Variants in RBFOX1 observed in about 807,000 individuals in gnomAD.
RBFOX1 encodes RNA binding fox-1 homolog 1.
A neutral mutation model predicts 57.7 loss-of-function variants in RBFOX1; 8 were observed. The ratio of observed to expected loss-of-function variants is 0.14; its 90% CI spans 0.08 to 0.25. The LOEUF is 0.25. Among genes scored for constraint, RBFOX1 ranks in the 10% least tolerant of loss-of-function variants. The pLI is 1.00. For synonymous variants in RBFOX1, 326 were observed against 222.4 expected, an observed-to-expected ratio of 1.47 and a Z score of -4.15; for missense variants, 611 against 548.5, an observed-to-expected ratio of 1.11 and a Z score of -1.14.
chr16:5,866,062 G>A (rs1366996969), intron 3 of RBFOX1, among the ~76,000 whole-genome samples: 3 of 152,090 alleles, frequency 2.0e-5, no homozygotes, highest in African/African-American at 4.8e-5. Flanking sequence ...CTGCCTCCGC[G>A]GTTCAAGGGA....
intron 4 of RBFOX1, among the ~76,000 whole-genome samples, chr16:7,513,759 G>T (rs1216880529): frequency 6.6e-6 from 1 of 152,180 alleles, no homozygotes; most frequent in East Asian, 1.9e-4. Context: ...GTGAGGAGAA[G>T]GGGCTGCTTT....
At chr16:7,124,824 G>C (rs1325503307) in intron 4 of RBFOX1, among the ~76,000 whole-genome samples, 10 of 151,920 alleles carry the variant, frequency 6.6e-5, no homozygotes, top group Non-Finnish European at 1.0e-4. Flanking sequence ...TCCGTATCCT[G>C]TTTCTACTGT....
chr16:6,961,833 G>A (rs2083085404), intron 3 of RBFOX1, among the ~76,000 whole-genome samples: 1 of 152,164 alleles, frequency 6.6e-6, no homozygotes, highest in Non-Finnish European at 1.5e-5. Context: ...AGCAGTGAGA[G>A]CAAACCAGAA....
intron 4 of RBFOX1, among the ~76,000 whole-genome samples, chr16:7,335,597 A>C (rs2096771542): frequency 1.6e-5 from 1 of 64,468 alleles, no homozygotes; most frequent in Non-Finnish European, 2.9e-5. Flanking sequence ...AAAAAAAAAA[A>C]AAAAAAAAAA....
intron 13 of RBFOX1, 73 bp from the exon 14 acceptor site, chr16:7,676,701 G>T: frequency 2.3e-6 from 3 of 1,286,530 alleles, no homozygotes; most frequent in Non-Finnish European, 3.4e-6. Flanking sequence ...CTGCTCTGGT[G>T]TGGTCTTGCC....
chr16:6,197,646 T>TA (rs2097188967), intron 1 of RBFOX1, among the ~76,000 whole-genome samples: 1 of 151,788 alleles, frequency 6.6e-6, no homozygotes, highest in Admixed American at 6.6e-5. Context: ...TTTTTTTTTT[T>TA]AATTTTTATT....
chr16:7,539,063 A>G (rs541502579), intron 5 of RBFOX1, among the ~76,000 whole-genome samples: 15 of 152,282 alleles, frequency 9.9e-5, no homozygotes, highest in African/African-American at 3.1e-4. Flanking sequence ...GCTATGTGCT[A>G]TGTCTGCCTC....
chr16:6,712,630 T>G (rs2063924512), intron 3 of RBFOX1, among the ~76,000 whole-genome samples: 1 of 152,116 alleles, frequency 6.6e-6, no homozygotes, highest in African/African-American at 2.4e-5. Context: ...CAGAAAATGT[T>G]TATTAGGTCC....
intron 4 of RBFOX1, among the ~76,000 whole-genome samples, chr16:7,087,269 T>C (rs992484992): frequency 9.2e-5 from 14 of 152,192 alleles, no homozygotes; most frequent in Admixed American, 2.6e-4. Context: ...TCTGTGCAGA[T>C]GGGCTTGCCT....
At chr16:7,368,795 AAT>A (rs1224485911) in intron 4 of RBFOX1, among the ~76,000 whole-genome samples, 133 of 130,904 alleles carry the variant, frequency 1.0e-3, no homozygotes, top group African/African-American at 2.0e-3. Flanking sequence ...AAAAAAAAAA[AAT>A]AAAAATAATT....
At chr16:6,996,875 C>T (rs1302803019) in intron 3 of RBFOX1, among the ~76,000 whole-genome samples, 2 of 152,068 alleles carry the variant, frequency 1.3e-5, no homozygotes, top group East Asian at 1.9e-4. Context: ...AATAACACAT[C>T]TGTAGTCACA....
At chr16:6,981,801 A>G (rs1002940036) in intron 3 of RBFOX1, among the ~76,000 whole-genome samples, 1 of 152,166 alleles carries the variant, frequency 6.6e-6, no homozygotes, top group Non-Finnish European at 1.5e-5. Flanking sequence ...TGTCAGAGCT[A>G]CCAGTCAAGA....
At chr16:6,851,514 C>T (rs893130143) in intron 3 of RBFOX1, among the ~76,000 whole-genome samples, 4 of 152,112 alleles carry the variant, frequency 2.6e-5, no homozygotes, top group African/African-American at 4.8e-5. Context: ...GAAAGATATT[C>T]ACAACATATT....
At chr16:7,515,983 TA>T (rs2076269510) in intron 4 of RBFOX1, among the ~76,000 whole-genome samples, 1 of 152,096 alleles carries the variant, frequency 6.6e-6, no homozygotes, top group South Asian at 2.1e-4. Flanking sequence ...TAGCTAAGAT[TA>T]CAGGCATGTG....
intron 2 of RBFOX1, among the ~76,000 whole-genome samples, chr16:5,554,057 C>A (rs1226793381): frequency 6.6e-6 from 1 of 151,388 alleles, no homozygotes; most frequent in Admixed American, 6.6e-5. Flanking sequence ...GCAACCTCTG[C>A]CTCCTGGGTT....
intron 3 of RBFOX1, among the ~76,000 whole-genome samples, chr16:6,762,381 A>G (rs890706573): frequency 1.3e-5 from 2 of 152,162 alleles, no homozygotes; most frequent in Non-Finnish European, 2.9e-5. Context: ...TAGTGCACTT[A>G]GAAGGTAAAT....
intron 3 of RBFOX1, among the ~76,000 whole-genome samples, chr16:5,667,084 C>G (rs139099278): frequency 6.6e-5 from 10 of 152,256 alleles, no homozygotes; most frequent in African/African-American, 1.9e-4. Flanking sequence ...ATAGGTCATT[C>G]CCTATTTCAC....
intron 4 of RBFOX1, among the ~76,000 whole-genome samples, chr16:5,918,721 A>C (rs530280775): frequency 1.3e-5 from 2 of 152,228 alleles, no homozygotes; most frequent in African/African-American, 4.8e-5. Flanking sequence ...AGTACCCACT[A>C]GGACTGTGAA....
At chr16:7,130,164 T>C (rs1471621329) in intron 4 of RBFOX1, among the ~76,000 whole-genome samples, 1 of 151,618 alleles carries the variant, frequency 6.6e-6, no homozygotes, top group East Asian at 2.0e-4. Flanking sequence ...TTCCAAGTAG[T>C]TGGAATTAAC....
Sources: gnomAD v4.1 joint callset for allele counts (sites outside exome capture counted in the v4.1 genomes callset) on GRCh38, gnomAD v4.1.1 for gene constraint, MANE v1.5 for transcripts, NCBI Gene and HGNC (gene_info 2026-07-23, HGNC 2026-07-21) for gene names.